PLA2G4E: variants seen among roughly 807,000 people sequenced by gnomAD.
The protein encoded by PLA2G4E is cytosolic phospholipase A2 epsilon.
Under a neutral mutation model 109.1 loss-of-function variants are expected in PLA2G4E, and 84 were observed. The observed-to-expected ratio is 0.77, with a 90% CI of 0.65 to 0.92. PLA2G4E has a LOEUF of 0.92. Among genes scored for constraint, PLA2G4E ranks in the 40% least tolerant of loss-of-function variants. The pLI, the probability that PLA2G4E is intolerant of heterozygous loss-of-function variation, is 0.00. For missense variants in PLA2G4E, 1,057 were observed against 1,076.6 expected (o/e 0.98, Z 0.25); for synonymous variants, 469 against 436.1 (o/e 1.08, Z -0.94).
intron 12 of PLA2G4E, 61 bp downstream of exon 12, chr15:41,995,299 C>G (rs574125013): frequency 1.9e-6 from 3 of 1,583,668 alleles, no homozygotes; most frequent in Non-Finnish European, 1.7e-6. Flanking sequence ...ACCTGAGACC[C>G]CAGGCCAGCC....
At chr15:42,023,448 T>C (rs1017699720) in intron 1 of PLA2G4E, among the ~76,000 whole-genome samples, 3 of 151,902 alleles carry the variant, frequency 2.0e-5, no homozygotes, top group African/African-American at 7.3e-5. Flanking sequence ...GCAGGAGAGC[T>C]GAACTTTAAG....
chr15:41,993,057 C>A (rs1595560319), intron 12 of PLA2G4E, 98 bp from the exon 13 acceptor site: 1 of 1,084,342 alleles, frequency 9.2e-7, no homozygotes, highest in Non-Finnish European at 1.3e-6. Context: ...CATTGAGAAC[C>A]CTAACCTGCC....
At chr15:42,050,241 C>T (rs1485807363) in intron 1 of PLA2G4E, among the ~76,000 whole-genome samples, 1 of 152,196 alleles carries the variant, frequency 6.6e-6, no homozygotes, top group East Asian at 1.9e-4. Flanking sequence ...GCTTCAGTTT[C>T]TTCATCAAAT....
At chr15:42,011,571 T>A (rs2068536036) in intron 2 of PLA2G4E, among the ~76,000 whole-genome samples, 3 of 151,988 alleles carry the variant, frequency 2.0e-5, no homozygotes. Flanking sequence ...ATAATTTTTT[T>A]TTTTTAAAGT....
intron 1 of PLA2G4E, among the ~76,000 whole-genome samples, chr15:42,016,241 CTTTT>C (rs1168452228): frequency 9.6e-6 from 1 of 104,692 alleles, no homozygotes; most frequent in Non-Finnish European, 1.9e-5. Flanking sequence ...TTTATCTTTA[CTTTT>C]TTTTTTTTTT....
rs767668140 is a variant in PLA2G4E, at chr15:42,001,149, C to G, written c.673+8G>C. 6 of 1,611,578 alleles carry G rather than the reference C, an allele frequency of 3.7e-6. No homozygotes were observed. The East Asian group carries it at 8.9e-5, about 24-fold the overall frequency. ...CCCCCAGTAGGCAGAAAAGGCAAAA[C>G]AGCTCACTTTTCTCCCTCTTCCTCC... On this transcript the variant is annotated splice_region_variant and intron_variant, in intron 7 of 19. Coordinates refer to ENST00000399518, the Ensembl canonical transcript of PLA2G4E.
rs58216157 is a variant in PLA2G4E, at chr15:41,999,850, C to A, written c.936+67G>T. On this transcript the variant is annotated intron_variant, in intron 9 of 19. Transcript: ENST00000399518. ...TCTCTTGTACCTCCCCAGGCTCTCC[C>A]CACCTCCCTACCACAGGAGCTCCAG... The A allele has an allele frequency of 3.1e-3, 4,628 of 1,480,084 alleles. 135 individuals carry two copies. In the African/African-American group the frequency reaches 0.056, roughly 18 times the overall value. 91.7% of individuals were successfully genotyped at this position (1,480,084 alleles called of 1,614,324 possible).
At chr15:42,026,278 C>G (rs2068692268) in intron 1 of PLA2G4E, among the ~76,000 whole-genome samples, 1 of 152,110 alleles carries the variant, frequency 6.6e-6, no homozygotes, top group Non-Finnish European at 1.5e-5. Context: ...TTCAAGGGAA[C>G]TTAATATATG....
intron 2 of PLA2G4E, among the ~76,000 whole-genome samples, chr15:42,008,494 G>A (rs970656076): frequency 1.3e-5 from 2 of 152,230 alleles, no homozygotes; most frequent in Admixed American, 1.3e-4. Flanking sequence ...TATGGCCCAA[G>A]AAACCCTCCC....
chr15:42,043,612 A>G (rs1231944625), intron 1 of PLA2G4E, among the ~76,000 whole-genome samples: 1 of 151,944 alleles, frequency 6.6e-6, no homozygotes, highest in Admixed American at 6.6e-5. Flanking sequence ...GGCCAGTGAC[A>G]AAAAGCTTAC....
intron 1 of PLA2G4E, among the ~76,000 whole-genome samples, chr15:42,027,980 C>A (rs2068706900): frequency 6.6e-6 from 1 of 152,218 alleles, no homozygotes; most frequent in Non-Finnish European, 1.5e-5. Context: ...TTCCACCAGA[C>A]TGTAACCCTT....
chr15:41,983,856 T>G, exon 20 of PLA2G4E: 1 of 1,612,906 alleles, frequency 6.2e-7, no homozygotes, highest in Middle Eastern at 1.7e-4. Flanking sequence ...ACTCTGAGAG[T>G]TTCACCAGCT....
exon 9 of PLA2G4E, chr15:41,999,943 C>A (rs771237824): frequency 6.2e-7 from 1 of 1,611,070 alleles, no homozygotes; most frequent in East Asian, 2.2e-5. Context: ...ACCTGACCAT[C>A]GGAAAGGCAG....
chr15:42,016,131 C>G (rs1214263702), intron 1 of PLA2G4E, among the ~76,000 whole-genome samples: 1 of 151,304 alleles, frequency 6.6e-6, no homozygotes, highest in East Asian at 1.9e-4. Flanking sequence ...TAAGAGGATT[C>G]AATTCTTCTC....
At chr15:42,013,420 A>G (rs927299375) in intron 2 of PLA2G4E, among the ~76,000 whole-genome samples, 8 of 152,226 alleles carry the variant, frequency 5.3e-5, no homozygotes, top group Non-Finnish European at 8.8e-5. Flanking sequence ...GGGTGCAGGC[A>G]CAGACTGCGG....
intron 1 of PLA2G4E, among the ~76,000 whole-genome samples, chr15:42,014,183 C>T (rs1232580055): frequency 6.6e-6 from 1 of 152,090 alleles, no homozygotes; most frequent in Non-Finnish European, 1.5e-5. Flanking sequence ...TGAGCCACCA[C>T]GCCTGGCTCC....
At chr15:42,038,804 A>G (rs1408744584) in intron 1 of PLA2G4E, among the ~76,000 whole-genome samples, 1 of 152,142 alleles carries the variant, frequency 6.6e-6, no homozygotes, top group Admixed American at 6.5e-5. Flanking sequence ...TAGGAGTATA[A>G]ATTGCTGGGT....
chr15:42,048,109 G>C (rs192927919), intron 1 of PLA2G4E, among the ~76,000 whole-genome samples: 171 of 152,226 alleles, frequency 1.1e-3, no homozygotes, highest in African/African-American at 4.0e-3. Context: ...TTTTACTGTA[G>C]CCTCTCTATA....
At chr15:41,999,234 G>A (rs2068386486) in intron 10 of PLA2G4E, 1 of 300,434 alleles carries the variant, frequency 3.3e-6, no homozygotes, top group Admixed American at 4.6e-5. Context: ...ATACGCCATA[G>A]AATAAGAGGA....
Sources: allele counts gnomAD v4.1 joint callset (sites outside exome capture counted in the v4.1 genomes callset), GRCh38; gene constraint gnomAD v4.1.1; transcripts MANE v1.5; gene names NCBI Gene and HGNC (gene_info 2026-07-23, HGNC 2026-07-21).